The following CHCHD3 variants were observed in gnomAD, a reference collection of about 807,000 sequenced individuals.
CHCHD3 encodes coiled-coil-helix-coiled-coil-helix domain containing 3.
A neutral mutation model predicts 38.2 loss-of-function variants in CHCHD3; 20 were observed. That is an observed-to-expected ratio of 0.52 (90% CI 0.37 to 0.76). The LOEUF (loss-of-function observed/expected upper bound fraction) is 0.76. CHCHD3 is among the 30% of genes least tolerant of loss of function. CHCHD3 has a pLI of 0.00. For synonymous variants in CHCHD3, 82 were observed against 100.0 expected (o/e 0.82, Z 1.07); for missense variants, 245 against 279.2 (o/e 0.88, Z 0.87).
chr7:132,987,852 A>G lies in CHCHD3; in HGVS notation c.252-12566T>C, dbSNP rs1221867420. On this transcript the variant is annotated intron_variant, in intron 3 of 7. Transcript: ENST00000262570. ...CTTTTCTGCCTCTACCACCAGAGAC[A>G]GCAAGACTAACCAACCCTCCAGCCT... Among the ~76,000 whole-genome samples the G allele has an allele frequency of 3.9e-5, 6 of 152,206 alleles. No individual in the cohort carries two copies. In the South Asian group the frequency reaches 6.2e-4, roughly 16 times the overall value.
chr7:132,942,070 C>T (rs775801692), intron 4 of CHCHD3, among the ~76,000 whole-genome samples: 3 of 152,114 alleles, frequency 2.0e-5, no homozygotes, highest in Non-Finnish European at 4.4e-5. Flanking sequence ...CTCTAAGTCA[C>T]GTGACTTCCT....
intron 2 of CHCHD3, among the ~76,000 whole-genome samples, chr7:133,052,330 T>C (rs1258786307): frequency 6.6e-6 from 1 of 152,142 alleles, no homozygotes; most frequent in Non-Finnish European, 1.5e-5. Flanking sequence ...ACATAAAGTT[T>C]AGTGGAGGAG....
chr7:133,049,914 C>T (rs1372618341), intron 2 of CHCHD3, among the ~76,000 whole-genome samples: 1 of 152,210 alleles, frequency 6.6e-6, no homozygotes, highest in Non-Finnish European at 1.5e-5. Flanking sequence ...ACTGCTGCTA[C>T]ATGCCATTGC....
chr7:132,907,204 T>C (rs1809822430), intron 4 of CHCHD3, among the ~76,000 whole-genome samples: 1 of 152,212 alleles, frequency 6.6e-6, no homozygotes, highest in South Asian at 2.1e-4. Flanking sequence ...AAATAACTTG[T>C]CTATTGCATC....
At chr7:133,044,894 C>A (rs922794933) in intron 2 of CHCHD3, among the ~76,000 whole-genome samples, 1 of 152,222 alleles carries the variant, frequency 6.6e-6, no homozygotes, top group African/African-American at 2.4e-5. Flanking sequence ...TGAGGCACTG[C>A]CTCCCAAGTC....
chr7:132,995,633 G>T (rs1812393642), intron 3 of CHCHD3, among the ~76,000 whole-genome samples: 1 of 152,234 alleles, frequency 6.6e-6, no homozygotes, highest in Non-Finnish European at 1.5e-5. Context: ...AGGCCATAGT[G>T]TGAAGCTGCG....
At chr7:132,810,242 A>C (rs1807033417) in intron 6 of CHCHD3, among the ~76,000 whole-genome samples, 1 of 152,242 alleles carries the variant, frequency 6.6e-6, no homozygotes, top group Admixed American at 6.5e-5. Context: ...AAAAACTAGA[A>C]GAAAATACAC....
chr7:133,014,831 A>G (rs915933295), intron 3 of CHCHD3, among the ~76,000 whole-genome samples: 2 of 152,076 alleles, frequency 1.3e-5, no homozygotes, highest in Non-Finnish European at 2.9e-5. Flanking sequence ...AATTTGCTCT[A>G]CTGAACTCAG....
At chr7:132,979,171 T>C (rs527334292) in intron 3 of CHCHD3, among the ~76,000 whole-genome samples, 2 of 152,220 alleles carry the variant, frequency 1.3e-5, no homozygotes, top group East Asian at 1.9e-4. Flanking sequence ...AAACATATTA[T>C]TCCTCATTCC....
At chr7:133,004,511 C>G (rs10085702) in intron 3 of CHCHD3, among the ~76,000 whole-genome samples, 67,641 of 152,038 alleles carry the variant, frequency 0.44, 15,317 homozygotes, top group East Asian at 0.55. Context: ...TTAAAACCAT[C>G]TAGCCTAGAG....
intron 6 of CHCHD3, among the ~76,000 whole-genome samples, chr7:132,809,669 C>T (rs1807016695): frequency 6.6e-6 from 1 of 152,206 alleles, no homozygotes; most frequent in African/African-American, 2.4e-5. Flanking sequence ...AAGTGAAGGA[C>T]AGATGGTGAC....
At chr7:132,930,920 C>T (rs17166799) in intron 4 of CHCHD3, among the ~76,000 whole-genome samples, 4,578 of 152,286 alleles carry the variant, frequency 0.03, 434 homozygotes, top group East Asian at 0.21. Context: ...CCAGTCCCAT[C>T]TCCAGGGCCT....
chr7:133,033,600 T>G (rs757241111), intron 2 of CHCHD3, among the ~76,000 whole-genome samples: 5 of 152,234 alleles, frequency 3.3e-5, no homozygotes, highest in African/African-American at 4.8e-5. Context: ...ATGGTTTGTA[T>G]GACCACAGAT....
intron 4 of CHCHD3, among the ~76,000 whole-genome samples, chr7:132,926,067 C>G (rs1037498733): frequency 6.6e-6 from 1 of 152,162 alleles, no homozygotes; most frequent in Non-Finnish European, 1.5e-5. Context: ...CCAGATTTAG[C>G]TGTAGACCAT....
At chr7:132,812,200 C>CTTTTTTT (rs71529779) in intron 6 of CHCHD3, among the ~76,000 whole-genome samples, 1 of 81,076 alleles carries the variant, frequency 1.2e-5, no homozygotes, top group Non-Finnish European at 2.4e-5. Context: ...TTTTTCTTTT[C>CTTTTTTT]TTTTTTTTTT....
intron 4 of CHCHD3, among the ~76,000 whole-genome samples, chr7:132,886,604 A>C (rs1809220727): frequency 6.6e-6 from 1 of 151,536 alleles, no homozygotes; most frequent in Non-Finnish European, 1.5e-5. Context: ...TATATGCCTG[A>C]CTACAACTTA....
intron 4 of CHCHD3, among the ~76,000 whole-genome samples, chr7:132,939,980 T>C (rs1810724766): frequency 6.6e-6 from 1 of 152,078 alleles, no homozygotes; most frequent in Non-Finnish European, 1.5e-5. Context: ...ACAAGGAAAA[T>C]TACCTCCTCT....
intron 2 of CHCHD3, among the ~76,000 whole-genome samples, chr7:133,036,818 T>G (rs1177324389): frequency 6.6e-6 from 1 of 152,232 alleles, no homozygotes; most frequent in Non-Finnish European, 1.5e-5. Context: ...TCCTGACTGA[T>G]GCTGTATAAC....
chr7:132,961,028 C>T (rs1811303941), intron 4 of CHCHD3, among the ~76,000 whole-genome samples: 1 of 152,092 alleles, frequency 6.6e-6, no homozygotes, highest in African/African-American at 2.4e-5. Flanking sequence ...CCTGTCATCC[C>T]AGCACTTTGG....
Sources: allele counts gnomAD v4.1 joint callset (sites outside exome capture counted in the v4.1 genomes callset), GRCh38; gene constraint gnomAD v4.1.1; transcripts MANE v1.5; gene names NCBI Gene and HGNC (gene_info 2026-07-23, HGNC 2026-07-21).